ING5: variants seen among roughly 807,000 people sequenced by gnomAD.
ING5 encodes the protein inhibitor of growth family member 5, also known as inhibitor of growth protein 5.
Under a neutral mutation model 37.4 loss-of-function variants are expected in ING5, and 17 were observed. The ratio of observed to expected loss-of-function variants is 0.45; its 90% confidence interval spans 0.31 to 0.68. ING5 has a LOEUF of 0.68. ING5 is among the 30% of genes least tolerant of loss of function. The pLI is 0.05. For missense variants in ING5, 233 were observed against 311.9 expected (o/e 0.75, Z 1.91); for synonymous variants, 123 against 116.6 (o/e 1.06, Z -0.36).
chr2:241,700,157 T>G (rs2069692288), upstream of ING5, among the ~76,000 whole-genome samples: 2 of 140,660 alleles, frequency 1.4e-5, no homozygotes, highest in South Asian at 4.5e-4. Context: ...TAAGTTTTTT[T>G]TTTTTTTTTT....
At chr2:241,690,566 C>T in exon 2 of ING5, 1 of 398,570 alleles carries the variant, frequency 2.5e-6, no homozygotes, top group Non-Finnish European at 4.4e-6. Flanking sequence ...CGTACTGCCA[C>T]TGACAGCCTC....
chr2:241,702,796 G>T (rs1365461323), intron 1 of ING5, among the ~76,000 whole-genome samples: 2 of 152,258 alleles, frequency 1.3e-5, no homozygotes, highest in Non-Finnish European at 2.9e-5. Flanking sequence ...CTGCCGAGCA[G>T]CCTGCTCAGG....
chr2:241,725,009 A>G lies in ING5; in HGVS notation c.701A>G (p.Gln234Arg). Reference sequence around the variant, plus strand: ...CACAGGTTCTGTCCACGGTGTGTCCAGGAAAAGAGGAAGAAGAAGTAGGAG... The same window carrying G: ...CACAGGTTCTGTCCACGGTGTGTCCGGGAAAAGAGGAAGAAGAAGTAGGAG... Reference protein sequence around the residue: ...KGKWFCPRCVQEKRKKK With the variant: ...KGKWFCPRCVREKRKKK The change falls in exon 8 of 8, where the codon CAG becomes CGG. Residue 234 changes from glutamine to arginine, a missense_variant. By Grantham distance (43) the Gln-to-Arg change is conservative (BLOSUM62 1). Coordinates refer to ENST00000313552, the MANE Select transcript of ING5 (RefSeq NM_032329.6). The G allele has an allele frequency of 6.2e-7, 1 of 1,614,114 alleles. No individual in the cohort carries two copies. Among genetic ancestry groups the G allele is most frequent in the South Asian group, 1.1e-5 (1 of 91,088 alleles).
At chr2:241,693,252 C>CAA (rs748452347) in intron 2 of ING5, among the ~76,000 whole-genome samples, 14,679 of 59,034 alleles carry the variant, frequency 0.25, 1,492 homozygotes, top group African/African-American at 0.36. Flanking sequence ...GAGACTGTCT[C>CAA]AAAAAAAAAA....
At chr2:241,721,961 G>A in intron 5 of ING5, 1 of 985,344 alleles carries the variant, frequency 1.0e-6, no homozygotes, top group South Asian at 4.7e-5. Context: ...AGCTGATGGG[G>A]ATGAAGGAGT....
chr2:241,717,837 A>G (rs1303827885), intron 5 of ING5, among the ~76,000 whole-genome samples: 1 of 151,922 alleles, frequency 6.6e-6, no homozygotes, highest in Non-Finnish European at 1.5e-5. Context: ...TATACTTTGC[A>G]TCGAATTTGG....
In ING5 at chr2:241,693,559, C is replaced by G. The variant is rs573554525; in HGVS notation, c.43+2906C>G. Reference sequence around the variant, plus strand: ...TGGCAAGGCCCTTTGTGGACAGACACCATACAAGAAGGAATGTGGGTCCCT... The same window carrying G: ...TGGCAAGGCCCTTTGTGGACAGACAGCATACAAGAAGGAATGTGGGTCCCT... On this transcript the variant is annotated intron_variant, in intron 2 of 7. Transcript: ENST00000636051. 6.6e-5 allele frequency among the ~76,000 whole-genome samples: 10 copies of G among 151,920 alleles called. No homozygotes were observed. The South Asian group carries it at 1.9e-3, about 28-fold the overall frequency.
intron 2 of ING5, among the ~76,000 whole-genome samples, chr2:241,704,952 C>T (rs1026867056): frequency 6.6e-6 from 1 of 152,242 alleles, no homozygotes; most frequent in African/African-American, 2.4e-5. Flanking sequence ...TTATAACCAT[C>T]ACCCTTTCCA....
At chr2:241,692,691 A>T (rs1204622858) in intron 2 of ING5, among the ~76,000 whole-genome samples, 1 of 152,118 alleles carries the variant, frequency 6.6e-6, no homozygotes, top group Non-Finnish European at 1.5e-5. Context: ...CAAGGAATGC[A>T]GTTTCCACAT....
At position 241,725,013 on chromosome 2, in the gene ING5, A is replaced by G. The variant is rs1316157253; in HGVS notation, c.705A>G (p.Glu235=). 1.2e-6 allele frequency: 2 copies of G among 1,613,992 alleles called. No homozygotes were observed. Among genetic ancestry groups the G allele is most frequent in the African/African-American group, 2.7e-5 (2 of 74,932 alleles). The part of the protein sequence containing the change: ...GKWFCPRCVQ[E]KRKKK ...GGTTCTGTCCACGGTGTGTCCAGGA[A>G]AAGAGGAAGAAGAAGTAGGAGGAGC... Residue 235 remains glutamate (E), a synonymous_variant, in exon 8 of 8, where the codon GAA becomes GAG. Coordinates refer to ENST00000313552, the MANE Select transcript of ING5 (RefSeq NM_032329.6).
At chr2:241,724,286 T>A (rs1440586980) in intron 7 of ING5, among the ~76,000 whole-genome samples, 1 of 152,198 alleles carries the variant, frequency 6.6e-6, no homozygotes, top group Admixed American at 6.5e-5. Flanking sequence ...GGCTGTCCTG[T>A]CACAGGGACA....
chr2:241,718,458 C>T (rs1219798880), intron 5 of ING5, among the ~76,000 whole-genome samples: 8 of 146,498 alleles, frequency 5.5e-5, no homozygotes, highest in Non-Finnish European at 1.0e-4. Flanking sequence ...GCTTGGTCAC[C>T]CAGGCTGGAG....
intron 7 of ING5, chr2:241,724,674 G>C: frequency 2.3e-6 from 1 of 433,408 alleles, no homozygotes; most frequent in South Asian, 2.6e-5. Flanking sequence ...ACAGACTGCA[G>C]ACAGAGGGCA....
chr2:241,721,128 A>G (rs1335702873), intron 5 of ING5: 2 of 985,468 alleles, frequency 2.0e-6, no homozygotes, highest in African/African-American at 3.5e-5. Context: ...GGTTGGCAGC[A>G]GAGGGTGCTG....
At chr2:241,722,540 G>T in intron 5 of ING5, 3 of 985,408 alleles carry the variant, frequency 3.0e-6, no homozygotes, top group Non-Finnish European at 3.6e-6. Context: ...ATTTTTGTGG[G>T]TAACTGTTCT....
chr2:241,687,172 A>C (rs2069448547), exon 1 of ING5: 1 of 392,350 alleles, frequency 2.5e-6, no homozygotes. Context: ...CTGCCCGCCC[A>C]GCGTCGGCTC....
At chr2:241,697,391 T>C (rs1272029874), upstream of ING5, among the ~76,000 whole-genome samples, 1 of 143,346 alleles carries the variant, frequency 7.0e-6, no homozygotes, top group Non-Finnish European at 1.5e-5. Flanking sequence ...GCCGAGATCC[T>C]GCCACTGCAC....
At chr2:241,708,966 C>T in intron 2 of ING5, 3 of 351,202 alleles carry the variant, frequency 8.5e-6, no homozygotes, top group South Asian at 8.5e-5. Context: ...GCACTGTGAC[C>T]ACTTGCTGTG....
At chr2:241,703,182 G>C (rs2069797218) in intron 1 of ING5, among the ~76,000 whole-genome samples, 2 of 152,206 alleles carry the variant, frequency 1.3e-5, no homozygotes, top group South Asian at 4.1e-4. Flanking sequence ...CTCCCAAGGA[G>C]GGTTGACTTT....
Sources: allele counts gnomAD v4.1 joint callset (sites outside exome capture counted in the v4.1 genomes callset), GRCh38; gene constraint gnomAD v4.1.1; transcripts MANE v1.5; gene names NCBI Gene and HGNC (gene_info 2026-07-23, HGNC 2026-07-21).